The following PLD5 variants were observed in gnomAD, a reference collection of about 807,000 sequenced individuals.
PLD5 encodes inactive phospholipase D5.
In PLD5, 36 loss-of-function variants were observed where a neutral mutation model predicts 61.1. That is an observed-to-expected ratio of 0.59 (90% CI 0.45 to 0.78). The LOEUF (loss-of-function observed/expected upper bound fraction) is 0.78, where lower values mean the gene tolerates loss of function less well. Ranked by LOEUF, PLD5 falls within the 30% of genes least tolerant of loss-of-function variation. The pLI is 0.00. For synonymous variants in PLD5, 243 were observed against 242.8 expected (o/e 1.00, Z -0.01); for missense variants, 515 against 644.4 (o/e 0.80, Z 2.17).
At chr1:242,463,040 T>A (rs1289968516) in intron 1 of PLD5, among the ~76,000 whole-genome samples, 1 of 152,156 alleles carries the variant, frequency 6.6e-6, no homozygotes, top group Non-Finnish European at 1.5e-5. Flanking sequence ...CTCACTTCCG[T>A]GTCATTATCA....
chr1:242,258,131 A>C (rs1389674985), intron 4 of PLD5, among the ~76,000 whole-genome samples: 5 of 152,200 alleles, frequency 3.3e-5, no homozygotes, highest in African/African-American at 1.2e-4. Context: ...GCATATAAAA[A>C]CCGATTTGAA....
intron 4 of PLD5, among the ~76,000 whole-genome samples, chr1:242,238,400 G>T (rs1671777450): frequency 6.6e-6 from 1 of 152,178 alleles, no homozygotes; most frequent in African/African-American, 2.4e-5. Context: ...ATTGTTGGCT[G>T]CAGGAGCATC....
chr1:242,393,771 T>G (rs533685311), intron 1 of PLD5, among the ~76,000 whole-genome samples: 23 of 148,960 alleles, frequency 1.5e-4, no homozygotes, highest in Non-Finnish European at 2.7e-4. Context: ...TATATAAGTA[T>G]TTTTAGGCAG....
chr1:242,183,196 T>C (rs1459456084), intron 5 of PLD5, among the ~76,000 whole-genome samples: 2 of 152,226 alleles, frequency 1.3e-5, no homozygotes, highest in African/African-American at 4.8e-5. Flanking sequence ...ATATATCTTT[T>C]AAAATTTTAA....
chr1:242,524,021 C>A, intron 1 of PLD5, 67 bp downstream of exon 1: 3 of 1,457,286 alleles, frequency 2.1e-6, no homozygotes, highest in Non-Finnish European at 1.8e-6. Flanking sequence ...GCGCTCATGC[C>A]ACCACCACGG....
chr1:242,191,561 G>T (rs961013687), intron 5 of PLD5, among the ~76,000 whole-genome samples: 1 of 152,004 alleles, frequency 6.6e-6, no homozygotes, highest in African/African-American at 2.4e-5. Context: ...ACTCCAGCCT[G>T]GGCAATGGAG....
chr1:242,395,009 A>G (rs1572057708), intron 1 of PLD5, among the ~76,000 whole-genome samples: 1 of 124,806 alleles, frequency 8.0e-6, no homozygotes, highest in African/African-American at 3.3e-5. Flanking sequence ...ATATATGAAT[A>G]TATATGAATA....
At chr1:242,452,624 T>C (rs2654868) in intron 1 of PLD5, among the ~76,000 whole-genome samples, 40,246 of 152,036 alleles carry the variant, frequency 0.26, 6,176 homozygotes, top group Non-Finnish European at 0.34. Context: ...CAGACCAGCC[T>C]AGGCAACACG....
At chr1:242,247,308 T>A (rs1209627972) in intron 4 of PLD5, among the ~76,000 whole-genome samples, 2 of 152,164 alleles carry the variant, frequency 1.3e-5, no homozygotes, top group Non-Finnish European at 2.9e-5. Context: ...TGGCAATTGG[T>A]TGAAAGAGTT....
chr1:242,452,051 TC>T (rs1666799864), intron 1 of PLD5, among the ~76,000 whole-genome samples: 2 of 151,990 alleles, frequency 1.3e-5, no homozygotes, highest in Admixed American at 6.6e-5. Context: ...CCCTTGACCC[TC>T]CCAACAGGGC....
intron 4 of PLD5, among the ~76,000 whole-genome samples, chr1:242,220,424 C>T (rs1165228504): frequency 6.6e-6 from 1 of 152,180 alleles, no homozygotes; most frequent in African/African-American, 2.4e-5. Flanking sequence ...CAGATCTGTA[C>T]TGAAATCCCG....
rs183621718 is a variant in PLD5 at position 242,261,539 on chromosome 1, C to A, written c.607+3798G>T. 5.1e-3 allele frequency among the ~76,000 whole-genome samples: 782 copies of A among 152,190 alleles called. 6 individuals are homozygous for A. Among genetic ancestry groups the A allele is most frequent in the Non-Finnish European group, 8.4e-3 (569 of 67,982 alleles). On this transcript the variant is annotated intron_variant, in intron 4 of 9. Transcript: ENST00000536534. ...AACTAAGAATTTCCATTTATGTAAA[C>A]ACATCCTTGGAAGAGTGAAAAGATA... is the stretch of plus-strand genomic sequence containing the variant.
intron 5 of PLD5, among the ~76,000 whole-genome samples, chr1:242,189,883 G>T (rs1013662981): frequency 6.6e-6 from 1 of 152,208 alleles, no homozygotes; most frequent in African/African-American, 2.4e-5. Context: ...GGACCAGAAA[G>T]AAGGTCAGTG....
Position 242,086,211 on chromosome 1 carries a change from G to T in PLD5, c.*3643C>A, listed in dbSNP as rs1444550671. The T allele has an allele frequency of 6.6e-6, 1 of 152,198 alleles. No homozygotes were observed. Among genetic ancestry groups the T allele is most frequent in the Non-Finnish European group, 1.5e-5 (1 of 68,050 alleles). The allele number at this position is 152,198 out of a possible 1,614,324, so 9.4% of individuals were successfully genotyped here. A position where few individuals can be genotyped will look rare whatever the true frequency, so the allele number is the denominator to read the frequency against. ...GACATGAGACAAACAGTAGCACAGA[G>T]AGGGCCCGAATGGTGCCCAGAGTTA... On this transcript the variant is annotated 3_prime_UTR_variant, in exon 10 of 10. Coordinates refer to ENST00000536534, the MANE Select transcript of PLD5 (RefSeq NM_001372062.1).
chr1:242,166,871 T>C (rs1237597596), intron 5 of PLD5, among the ~76,000 whole-genome samples: 1 of 152,106 alleles, frequency 6.6e-6, no homozygotes, highest in African/African-American at 2.4e-5. Flanking sequence ...TAGTGATATA[T>C]TTTATGAGCC....
At chr1:242,477,343 G>A (rs945265650) in intron 1 of PLD5, among the ~76,000 whole-genome samples, 30 of 152,124 alleles carry the variant, frequency 2.0e-4, no homozygotes, top group African/African-American at 6.0e-4. Context: ...TTAAGAACAC[G>A]ATACTCCTCA....
At chr1:242,286,949 G>A (rs1675060901) in intron 3 of PLD5, among the ~76,000 whole-genome samples, 1 of 152,104 alleles carries the variant, frequency 6.6e-6, no homozygotes, top group African/African-American at 2.4e-5. Context: ...CCAGAGAATG[G>A]GCTGTGGTAT....
At chr1:242,375,409 C>T (rs1572007170) in intron 1 of PLD5, among the ~76,000 whole-genome samples, 1 of 152,340 alleles carries the variant, frequency 6.6e-6, no homozygotes, top group East Asian at 1.9e-4. Flanking sequence ...GATTTCATAA[C>T]TGCTTGCCTC....
chr1:242,212,933 G>A (rs564240862), intron 5 of PLD5, among the ~76,000 whole-genome samples: 19 of 152,186 alleles, frequency 1.2e-4, no homozygotes, highest in Non-Finnish European at 2.6e-4. Flanking sequence ...ATTACAGAAA[G>A]CCCATGAATT....
Sources: allele counts gnomAD v4.1 joint callset (sites outside exome capture counted in the v4.1 genomes callset), GRCh38; gene constraint gnomAD v4.1.1; transcripts MANE v1.5; gene names NCBI Gene and HGNC (gene_info 2026-07-23, HGNC 2026-07-21).